The following ANKH variants were observed in gnomAD, a reference collection of about 807,000 sequenced individuals.
ANKH encodes the protein ANKH inorganic pyrophosphate transport regulator.
ANKH carries 15 observed loss-of-function variants against 49.0 expected under a neutral mutation model. The observed-to-expected ratio is 0.31, with a 90% CI of 0.20 to 0.47. ANKH has a LOEUF of 0.47. ANKH is among the 20% of genes least tolerant of loss of function. The pLI, the probability that ANKH is intolerant of heterozygous loss-of-function variation, is 1.00. For missense variants in ANKH, 429 were observed against 652.0 expected (o/e 0.66, Z 3.72); for synonymous variants, 273 against 260.0 (o/e 1.05, Z -0.48).
rs1436795316 is a variant in ANKH at position 14,768,870 on chromosome 5, A to T, written c.313+105T>A. 5 of 1,248,826 alleles carry T rather than the reference A, an allele frequency of 4.0e-6. No homozygotes were observed. The East Asian group carries it at 9.3e-5, about 23-fold the overall frequency. 77.4% of individuals were successfully genotyped at this position (1,248,826 alleles called of 1,614,324 possible). ...CTGAAAATTTCATAAGAAACATTTG[A>T]TAATTAGTGAAGAAACCACTTATCT... On this transcript the variant is annotated intron_variant, in intron 2 of 11. Transcript: ENST00000284268.
At chr5:14,789,975 G>A (rs1740112543) in intron 1 of ANKH, among the ~76,000 whole-genome samples, 1 of 152,136 alleles carries the variant, frequency 6.6e-6, no homozygotes, top group Admixed American at 6.5e-5. Flanking sequence ...CTCCCAAAGT[G>A]CTGGGATTAC....
At chr5:14,830,668 C>T (rs1032180687) in intron 1 of ANKH, among the ~76,000 whole-genome samples, 1 of 152,158 alleles carries the variant, frequency 6.6e-6, no homozygotes, top group African/African-American at 2.4e-5. Flanking sequence ...CACGGAGCTG[C>T]TTGAGAGCTC....
chr5:14,783,681 T>C (rs903934088), intron 1 of ANKH, among the ~76,000 whole-genome samples: 1 of 152,214 alleles, frequency 6.6e-6, no homozygotes. Flanking sequence ...TTTACAATGA[T>C]ATCCATGGTT....
chr5:14,782,022 T>C (rs977571067), intron 1 of ANKH, among the ~76,000 whole-genome samples: 3 of 152,096 alleles, frequency 2.0e-5, no homozygotes, highest in Non-Finnish European at 4.4e-5. Context: ...GTAGATTTTT[T>C]TCTTGATGAC....
rs2126589138 is a variant in ANKH, at chr5:14,823,437, T to C, written c.96+47915A>G. 1.3e-5 allele frequency among the ~76,000 whole-genome samples: 2 copies of C among 152,318 alleles called. 1 individual carries two copies. Among genetic ancestry groups the C allele is most frequent in the East Asian group, 3.9e-4 (2 of 5,188 alleles). On this transcript the variant is annotated intron_variant, in intron 1 of 11. Coordinates refer to ENST00000284268, the MANE Select transcript of ANKH (RefSeq NM_054027.6). ...TAAAATGAACAATTTGCAGTGGAAA[T>C]GAACAATTTACAACATTGTATAGCA... is the stretch of plus-strand genomic sequence containing the variant.
At chr5:14,846,844 G>T (rs759561693) in intron 1 of ANKH, among the ~76,000 whole-genome samples, 2 of 150,608 alleles carry the variant, frequency 1.3e-5, no homozygotes, top group Non-Finnish European at 2.9e-5. Flanking sequence ...ACACACACAC[G>T]CACACAAAAA....
intron 1 of ANKH, among the ~76,000 whole-genome samples, chr5:14,838,273 T>C (rs1741715793): frequency 7.7e-6 from 1 of 129,788 alleles, no homozygotes; most frequent in Admixed American, 7.5e-5. Context: ...AATAAAAAAA[T>C]TACCTAACGC....
At chr5:14,715,220 C>T (rs55714227) in intron 9 of ANKH, among the ~76,000 whole-genome samples, 1,590 of 152,314 alleles carry the variant, frequency 0.01, 32 homozygotes, top group African/African-American at 0.036. Flanking sequence ...CAATCTCTGC[C>T]TCCTGGGTTC....
intron 1 of ANKH, among the ~76,000 whole-genome samples, chr5:14,775,058 C>CTTTT (rs33960345): frequency 1.3e-5 from 2 of 151,020 alleles, no homozygotes; most frequent in Non-Finnish European, 2.9e-5. Context: ...CATAAGTCCC[C>CTTTT]TTTTTTTTCT....
rs1324306255 is a variant in ANKH at position 14,757,433 on chromosome 5, T to C, written c.432+1047A>G. On this transcript the variant is annotated intron_variant, in intron 3 of 11. Transcript: ENST00000284268. ...TGGAACATATATATATATATATATTTTTTTTTTTTTTTTTTTGCTAAGTCT... is the reference window on the plus strand; with the variant it reads ...TGGAACATATATATATATATATATTCTTTTTTTTTTTTTTTTGCTAAGTCT... Among the ~76,000 whole-genome samples the C allele has an allele frequency of 5.1e-3, 636 of 123,838 alleles. 4 individuals carry two copies. Among genetic ancestry groups the C allele is most frequent in the Admixed American group, 5.7e-3 (72 of 12,736 alleles). The allele number at this position is 123,838 out of a possible 152,430, so 81.2% of individuals were successfully genotyped here.
intron 1 of ANKH, among the ~76,000 whole-genome samples, chr5:14,843,393 C>A (rs1741867416): frequency 1.3e-5 from 2 of 151,700 alleles, no homozygotes; most frequent in South Asian, 4.2e-4. Flanking sequence ...TCAGGCTGAT[C>A]TTGAACTCTT....
Position 14,734,395 on chromosome 5 carries a change from G to A in ANKH, c.1011+7432C>T, listed in dbSNP as rs1187791564. Among the ~76,000 whole-genome samples the A allele has an allele frequency of 3.9e-5, 6 of 152,330 alleles. No individual in the cohort carries two copies. The East Asian group carries it at 9.6e-4, about 24-fold the overall frequency. On this transcript the variant is annotated intron_variant, in intron 8 of 11. Transcript: ENST00000284268. ...CCCTTCCCCTCCCTTGTCCATGTGTGCGCTCACCATTGCTCCATCTGTAAG... is the reference window on the plus strand; with the variant it reads ...CCCTTCCCCTCCCTTGTCCATGTGTACGCTCACCATTGCTCCATCTGTAAG...
At chr5:14,750,630 C>A (rs1738680554) in intron 5 of ANKH, among the ~76,000 whole-genome samples, 1 of 152,158 alleles carries the variant, frequency 6.6e-6, no homozygotes, top group Admixed American at 6.5e-5. Flanking sequence ...CCAGGAGGCA[C>A]CTGAATAAGG....
intron 1 of ANKH, among the ~76,000 whole-genome samples, chr5:14,841,997 A>G (rs755964828): frequency 9.5e-4 from 145 of 152,336 alleles, no homozygotes; most frequent in Non-Finnish European, 5.9e-4. Context: ...AGAAAAATAA[A>G]AAGGATTCGT....
chr5:14,736,260 T>C (rs568759995), intron 8 of ANKH, among the ~76,000 whole-genome samples: 43 of 152,174 alleles, frequency 2.8e-4, no homozygotes, highest in African/African-American at 1.0e-3. Context: ...GTGGATGTAG[T>C]CTGGGGGCCC....
chr5:14,793,046 ATAAATATATATAAAATATATAT>A (rs1561057895), intron 1 of ANKH, among the ~76,000 whole-genome samples: 21 of 46,526 alleles, frequency 4.5e-4, no homozygotes, highest in African/African-American at 1.6e-3. Context: ...AAATATATAT[ATAAATATATATAAAATATATAT>A]AAATATATAA....
At chr5:14,767,756 C>G (rs1739302261) in intron 2 of ANKH, among the ~76,000 whole-genome samples, 3 of 152,074 alleles carry the variant, frequency 2.0e-5, no homozygotes, top group African/African-American at 7.2e-5. Flanking sequence ...TTTAAGGAAG[C>G]CCCTTATTTT....
intron 1 of ANKH, among the ~76,000 whole-genome samples, chr5:14,779,533 C>T (rs1023009441): frequency 6.6e-6 from 1 of 152,180 alleles, no homozygotes; most frequent in Non-Finnish European, 1.5e-5. Context: ...AGGGACTGGG[C>T]GTATTTGTCA....
intron 11 of ANKH, among the ~76,000 whole-genome samples, chr5:14,711,867 C>T (rs1737223628): frequency 6.6e-6 from 1 of 151,864 alleles, no homozygotes; most frequent in Non-Finnish European, 1.5e-5. Context: ...AGCCCCACCT[C>T]AGCCACTGCT....
Sources: gnomAD v4.1 joint callset for allele counts (sites outside exome capture counted in the v4.1 genomes callset) on GRCh38, gnomAD v4.1.1 for gene constraint, MANE v1.5 for transcripts, NCBI Gene and HGNC (gene_info 2026-07-23, HGNC 2026-07-21) for gene names.